The following ADGRL3 variants were observed in gnomAD, a reference collection of about 807,000 sequenced individuals.
The protein encoded by ADGRL3 is adhesion G protein-coupled receptor L3.
ADGRL3 carries 62 observed loss-of-function variants against 153.5 expected under a neutral mutation model. That is an observed-to-expected ratio of 0.40 (90% confidence interval 0.33 to 0.50). The LOEUF (loss-of-function observed/expected upper bound fraction) is 0.50. Ranked by LOEUF, ADGRL3 falls within the 20% of genes least tolerant of loss-of-function variation. ADGRL3 has a pLI of 0.47. For synonymous variants in ADGRL3, 710 were observed against 672.5 expected, an observed-to-expected ratio of 1.06 and a Z score of -0.86; for missense variants, 1,641 against 1,859.4, an observed-to-expected ratio of 0.88 and a Z score of 2.16.
At chr4:61,926,417 T>C (rs1309496159) in intron 13 of ADGRL3, among the ~76,000 whole-genome samples, 2 of 152,110 alleles carry the variant, frequency 1.3e-5, no homozygotes, top group Non-Finnish European at 2.9e-5. Flanking sequence ...ATTCTATGCG[T>C]TGCACCTCTT....
chr4:61,471,475 G>T (rs917870685), intron 2 of ADGRL3, among the ~76,000 whole-genome samples: 2 of 151,370 alleles, frequency 1.3e-5, no homozygotes, highest in Non-Finnish European at 3.0e-5. Flanking sequence ...TTTCATTCTT[G>T]TAGGCAGTAT....
At chr4:61,803,892 C>T (rs2097527084) in intron 8 of ADGRL3, among the ~76,000 whole-genome samples, 1 of 152,096 alleles carries the variant, frequency 6.6e-6, no homozygotes, top group Admixed American at 6.6e-5. Context: ...GCTAATAATG[C>T]TTCCTATTCT....
At chr4:61,873,562 C>A (rs2098457951) in intron 9 of ADGRL3, among the ~76,000 whole-genome samples, 1 of 152,060 alleles carries the variant, frequency 6.6e-6, no homozygotes, top group South Asian at 2.1e-4. Context: ...TTCTGAAAGC[C>A]ATCCAGTTTC....
intron 1 of ADGRL3, among the ~76,000 whole-genome samples, chr4:61,290,784 T>C (rs1423490617): frequency 6.6e-6 from 1 of 151,970 alleles, no homozygotes. Flanking sequence ...TCTTCATATG[T>C]TCTTTTATTT....
intron 9 of ADGRL3, among the ~76,000 whole-genome samples, chr4:61,817,405 C>T (rs1329818581): frequency 6.6e-6 from 1 of 152,176 alleles, no homozygotes. Flanking sequence ...CACTTCCACC[C>T]TTCTGAGCCC....
Position 61,508,724 on chromosome 4 carries a change from G to C in ADGRL3, c.56-8591G>C, listed in dbSNP as rs74564721. On this transcript the variant is annotated intron_variant, in intron 3 of 26. Transcript: ENST00000683033. Reference sequence around the variant, plus strand: ...ACCCAATAGGTAGTTTTCCGACCTTGCCTCACTCTCCCTCCTAGTTCCCAG... The same window carrying C: ...ACCCAATAGGTAGTTTTCCGACCTTCCCTCACTCTCCCTCCTAGTTCCCAG... Among the ~76,000 whole-genome samples the C allele has an allele frequency of 4.3e-3, 659 of 152,148 alleles. 5 individuals are homozygous for C. Among genetic ancestry groups the C allele is most frequent in the African/African-American group, 0.015 (618 of 41,502 alleles).
In ADGRL3 at chr4:62,071,671, G is replaced by A; in HGVS notation, c.*763G>A. ...AAAAGAAATTTTCTTTTTCTTTTGT[G>A]CTGGTCTTGCAAGTTTGTCTACCAG... On this transcript the variant is annotated 3_prime_UTR_variant, in exon 27 of 27. Transcript: ENST00000683033. The A allele has an allele frequency of 2.5e-6, 1 of 392,790 alleles. No homozygotes were observed. Among genetic ancestry groups the A allele is most frequent in the South Asian group, 1.9e-5 (1 of 52,636 alleles). 24.3% of individuals were successfully genotyped at this position (392,790 alleles called of 1,614,324 possible).
At chr4:61,966,573 GGTGTGTGT>G (rs5858746) in intron 17 of ADGRL3, among the ~76,000 whole-genome samples, 9 of 145,932 alleles carry the variant, frequency 6.2e-5, no homozygotes, top group Non-Finnish European at 1.2e-4. Context: ...TTTCAAAAGG[GGTGTGTGT>G]GTGTGTGTGT....
At chr4:61,214,647 A>G (rs1337524827) in intron 1 of ADGRL3, among the ~76,000 whole-genome samples, 6 of 152,200 alleles carry the variant, frequency 3.9e-5, no homozygotes, top group African/African-American at 1.4e-4. Flanking sequence ...AATAAGAGTT[A>G]GGTACAGGCT....
chr4:61,555,490 A>G (rs959403709), intron 4 of ADGRL3, among the ~76,000 whole-genome samples: 4 of 152,160 alleles, frequency 2.6e-5, no homozygotes, highest in Admixed American at 6.5e-5. Context: ...AATGCACACT[A>G]TGCTCTCAGA....
chr4:61,702,159 G>A (rs1005095827), intron 6 of ADGRL3, among the ~76,000 whole-genome samples: 9 of 152,050 alleles, frequency 5.9e-5, no homozygotes, highest in South Asian at 2.1e-4. Context: ...GTCAAATTTC[G>A]TTCTGCTAAA....
intron 26 of ADGRL3, among the ~76,000 whole-genome samples, chr4:62,068,641 T>C (rs1744278253): frequency 6.6e-6 from 1 of 152,148 alleles, no homozygotes; most frequent in Admixed American, 6.5e-5. Context: ...AAGCATATCA[T>C]AGCAGCTTCT....
intron 1 of ADGRL3, among the ~76,000 whole-genome samples, chr4:61,242,467 A>G (rs1029990172): frequency 6.6e-6 from 1 of 151,948 alleles, no homozygotes; most frequent in African/African-American, 2.4e-5. Flanking sequence ...TTTTTCTATT[A>G]TCTCATATAT....
intron 5 of ADGRL3, among the ~76,000 whole-genome samples, chr4:61,647,735 C>G (rs1172273029): frequency 6.6e-6 from 1 of 150,398 alleles, no homozygotes; most frequent in Non-Finnish European, 1.5e-5. Flanking sequence ...ACTTTTCACA[C>G]TGAAATTCAC....
At chr4:61,718,360 T>C (rs1177569854) in intron 6 of ADGRL3, among the ~76,000 whole-genome samples, 1 of 152,180 alleles carries the variant, frequency 6.6e-6, no homozygotes, top group Non-Finnish European at 1.5e-5. Flanking sequence ...AAAATACTTA[T>C]TGAGTGGCTT....
intron 13 of ADGRL3, 46 bp from the exon 14 acceptor site, chr4:61,934,794 T>C (rs368766596): frequency 1.7e-5 from 25 of 1,497,722 alleles, no homozygotes; most frequent in Non-Finnish European, 2.3e-5. Context: ...CTGACAGCTA[T>C]GTGGGTTCAC....
intron 21 of ADGRL3, among the ~76,000 whole-genome samples, chr4:62,011,856 T>G (rs2099188027): frequency 6.6e-6 from 1 of 152,124 alleles, no homozygotes; most frequent in South Asian, 2.1e-4. Flanking sequence ...GAAATAAACA[T>G]GAAATCTCTT....
chr4:61,415,690 T>A (rs2097136993), intron 2 of ADGRL3, among the ~76,000 whole-genome samples: 1 of 151,726 alleles, frequency 6.6e-6, no homozygotes, highest in Non-Finnish European at 1.5e-5. Flanking sequence ...CCTTTAACCT[T>A]CTCTTCTTCC....
chr4:61,610,238 C>G (rs1283163897), intron 5 of ADGRL3, among the ~76,000 whole-genome samples: 2 of 151,840 alleles, frequency 1.3e-5, no homozygotes, highest in African/African-American at 4.8e-5. Flanking sequence ...ATTTAAATCT[C>G]TAACCTAGCA....
Sources: allele counts gnomAD v4.1 joint callset (sites outside exome capture counted in the v4.1 genomes callset), GRCh38; gene constraint gnomAD v4.1.1; transcripts MANE v1.5; gene names NCBI Gene and HGNC (gene_info 2026-07-23, HGNC 2026-07-21).